Variants in PTCHD4 observed in about 807,000 individuals in gnomAD.
PTCHD4 encodes the protein patched domain containing 4.
Under a neutral mutation model 58.1 loss-of-function variants are expected in PTCHD4, and 33 were observed. The observed-to-expected ratio is 0.57, with a 90% CI of 0.43 to 0.76. The LOEUF (loss-of-function observed/expected upper bound fraction) is 0.76. PTCHD4 is among the 30% of genes least tolerant of loss of function. The pLI is 0.00. For missense variants in PTCHD4, 1,058 were observed against 1,027.1 expected, an observed-to-expected ratio of 1.03 and a Z score of -0.41; for synonymous variants, 478 against 409.6, an observed-to-expected ratio of 1.17 and a Z score of -2.02.
At chr6:47,908,377 C>T (rs1262018445) in intron 4 of PTCHD4, among the ~76,000 whole-genome samples, 1 of 152,154 alleles carries the variant, frequency 6.6e-6, no homozygotes, top group African/African-American at 2.4e-5. Flanking sequence ...GATTTTGTCT[C>T]CTTTTTCCTG....
chr6:47,861,117 G>C lies in PTCHD4; in HGVS notation c.*17186C>G, dbSNP rs995594297. 6.6e-6 allele frequency among the ~76,000 whole-genome samples: 1 copy of C among 151,888 alleles called. No individual in the cohort carries two copies. The highest frequency in any genetic ancestry group is 1.9e-4 in the East Asian group (1 of 5,144). On this transcript the variant is annotated 3_prime_UTR_variant, in exon 5 of 5. Coordinates refer to ENST00000339488, the MANE Select transcript of PTCHD4 (RefSeq NM_001384253.1). ...TTTCAAACATGTTGGAACTTGGCGTGAAGAAGGGCAAGATTGTTTTTCTCC... is the reference window on the plus strand; with the variant it reads ...TTTCAAACATGTTGGAACTTGGCGTCAAGAAGGGCAAGATTGTTTTTCTCC...
At chr6:47,929,798 G>T (rs933251585) in intron 4 of PTCHD4, among the ~76,000 whole-genome samples, 20 of 152,166 alleles carry the variant, frequency 1.3e-4, no homozygotes, top group African/African-American at 4.6e-4. Context: ...TTACTGCCAG[G>T]TATTATTTGC....
chr6:47,978,925 T>G (rs559956700), intron 4 of PTCHD4, among the ~76,000 whole-genome samples: 5 of 152,180 alleles, frequency 3.3e-5, no homozygotes, highest in Non-Finnish European at 7.4e-5. Flanking sequence ...ATTCTATTCA[T>G]TTTTGTTATG....
chr6:48,069,187 C>CG lies in PTCHD4; in HGVS notation c.-231dup, dbSNP rs1764920166. On this transcript the variant is annotated 5_prime_UTR_variant, in exon 2 of 5. An upstream open reading frame in the 5' UTR gains an earlier in-frame stop. Coordinates refer to ENST00000339488, the MANE Select transcript of PTCHD4 (RefSeq NM_001384253.1). ...GAGAGGAGGGAGAAGGGCGGGAGCA[C>CG]GTTGGGGGTGGGGGGGCAGATAAGC... Among the ~76,000 whole-genome samples, 1 of 39,272 alleles carries CG rather than the reference C, an allele frequency of 2.5e-5. No homozygotes were observed. Among genetic ancestry groups the CG allele is most frequent in the African/African-American group, 1.2e-4 (1 of 8,190 alleles). The allele number at this position is 39,272 out of a possible 152,430, so 25.8% of individuals were successfully genotyped here. A position where few individuals can be genotyped will look rare whatever the true frequency, so the allele number is the denominator to read the frequency against.
At chr6:47,983,339 A>G (rs1319977417) in intron 4 of PTCHD4, among the ~76,000 whole-genome samples, 2 of 152,104 alleles carry the variant, frequency 1.3e-5, no homozygotes, top group Non-Finnish European at 2.9e-5. Flanking sequence ...GCCAATGTTG[A>G]ATTTATGCAG....
intron 4 of PTCHD4, among the ~76,000 whole-genome samples, chr6:47,939,067 G>A (rs1471687244): frequency 1.3e-5 from 2 of 152,174 alleles, no homozygotes; most frequent in Non-Finnish European, 2.9e-5. Flanking sequence ...GGTTATGGCT[G>A]TAGGAGCAAG....
intron 3 of PTCHD4, among the ~76,000 whole-genome samples, chr6:48,015,175 C>T (rs969193409): frequency 6.6e-6 from 1 of 152,004 alleles, no homozygotes; most frequent in Non-Finnish European, 1.5e-5. Context: ...CAATGCTCTC[C>T]TATGTGAGTG....
At chr6:47,885,645 T>C (rs1458729870) in intron 4 of PTCHD4, among the ~76,000 whole-genome samples, 1 of 152,178 alleles carries the variant, frequency 6.6e-6, no homozygotes, top group African/African-American at 2.4e-5. Context: ...CTCCAACAAA[T>C]AAAGATGACT....
chr6:47,899,752 C>A (rs995420740), intron 4 of PTCHD4: 1 of 167,400 alleles, frequency 6.0e-6, no homozygotes, highest in Non-Finnish European at 1.2e-5. Context: ...CCTGAAAGAA[C>A]TTCTGTATCA....
At chr6:48,078,946 G>A (rs975017104) in intron 1 of PTCHD4, among the ~76,000 whole-genome samples, 7 of 152,004 alleles carry the variant, frequency 4.6e-5, no homozygotes, top group African/African-American at 1.4e-4. Context: ...GTGAAACCCC[G>A]TCTCTACTAA....
chr6:47,995,177 T>C (rs1768438927), intron 4 of PTCHD4, among the ~76,000 whole-genome samples: 1 of 152,208 alleles, frequency 6.6e-6, no homozygotes, highest in Non-Finnish European at 1.5e-5. Flanking sequence ...ATTTACTTAG[T>C]TCATTTACTT....
At chr6:48,020,786 G>A (rs1763039528) in intron 3 of PTCHD4, among the ~76,000 whole-genome samples, 1 of 152,032 alleles carries the variant, frequency 6.6e-6, no homozygotes, top group Admixed American at 6.6e-5. Flanking sequence ...ATTACAGCAT[G>A]ATCTCCACTA....
chr6:47,960,961 T>TAAA (rs1561979356), intron 4 of PTCHD4, among the ~76,000 whole-genome samples: 1 of 147,336 alleles, frequency 6.8e-6, no homozygotes, highest in Non-Finnish European at 1.5e-5. Flanking sequence ...CCTTTTTTTT[T>TAAA]TAAAAAAAAA....
intron 3 of PTCHD4, 21 bp from the exon 4 acceptor site, chr6:48,009,135 A>G (rs1762580142): frequency 3.8e-6 from 6 of 1,580,264 alleles, no homozygotes; most frequent in East Asian, 4.5e-5. Flanking sequence ...GAAAAAGAAG[A>G]GACTTCAGTT....
Position 48,043,571 on chromosome 6 carries a change from A to G in PTCHD4, c.417+24659T>C, listed in dbSNP as rs1204241785. 5.9e-5 allele frequency among the ~76,000 whole-genome samples: 9 copies of G among 152,010 alleles called. No individual in the cohort carries two copies. The East Asian group carries it at 1.4e-3, about 23-fold the overall frequency. ...TTATTTTTAGTTTAAGTCATTTGCT[A>G]TAATGCATTTTCTTTGTAACAGCAA... On this transcript the variant is annotated intron_variant, in intron 3 of 4. Transcript: ENST00000339488.
Position 48,103,863 on chromosome 6 carries a change from G to A in PTCHD4, c.-970+7186C>T, listed in dbSNP as rs187361594. On this transcript the variant is annotated intron_variant, in intron 1 of 4. Transcript: ENST00000339488. ...AGAAAGGGTATCAGCGATGGAAGAT[G>A]AAATGAATGAAATGAAGTGTGAAGA... Among the ~76,000 whole-genome samples the A allele has an allele frequency of 8.4e-3, 1,280 of 152,252 alleles. 21 individuals carry two copies. Among genetic ancestry groups the A allele is most frequent in the African/African-American group, 0.029 (1,215 of 41,546 alleles).
At chr6:48,083,865 C>A (rs955922284) in intron 1 of PTCHD4, among the ~76,000 whole-genome samples, 2 of 152,240 alleles carry the variant, frequency 1.3e-5, no homozygotes, top group African/African-American at 4.8e-5. Flanking sequence ...TTGTCCCCAG[C>A]GTCTCCAGAA....
At chr6:47,890,017 G>T (rs1764326115) in intron 4 of PTCHD4, among the ~76,000 whole-genome samples, 1 of 151,828 alleles carries the variant, frequency 6.6e-6, no homozygotes, top group Non-Finnish European at 1.5e-5. Flanking sequence ...AAAACTTAAA[G>T]ATCCAGTGTA....
At chr6:47,967,571 C>T (rs1397584479) in intron 4 of PTCHD4, among the ~76,000 whole-genome samples, 1 of 152,138 alleles carries the variant, frequency 6.6e-6, no homozygotes, top group Non-Finnish European at 1.5e-5. Flanking sequence ...TATCTTCTTC[C>T]AATATAAGGG....
Sources: gnomAD v4.1 joint callset for allele counts (sites outside exome capture counted in the v4.1 genomes callset) on GRCh38, gnomAD v4.1.1 for gene constraint, MANE v1.5 for transcripts, NCBI Gene and HGNC (gene_info 2026-07-23, HGNC 2026-07-21) for gene names.